SCAPER: variants seen among roughly 807,000 people sequenced by gnomAD.
SCAPER encodes the protein S phase cyclin A-associated protein in the endoplasmic reticulum.
SCAPER carries 98 observed loss-of-function variants against 182.2 expected under a neutral mutation model. The observed-to-expected ratio is 0.54, with a 90% CI of 0.46 to 0.64. SCAPER has a LOEUF of 0.64. Ranked by LOEUF, SCAPER falls within the 30% of genes least tolerant of loss-of-function variation. SCAPER has a pLI of 0.00. For missense variants in SCAPER, 1,432 were observed against 1,690.0 expected (o/e 0.85, Z 2.68); for synonymous variants, 605 against 564.6 (o/e 1.07, Z -1.01).
In SCAPER at chr15:76,594,113, A is replaced by C. The variant is rs747238295; in HGVS notation, c.2712-19829T>G. On this transcript the variant is annotated intron_variant, in intron 22 of 31. Transcript: ENST00000563290. ...AGAGGAATTGCTAACTAGAATAACC[A>C]GTTTAGAGAAGAACATAAATGATCT... Among the ~76,000 whole-genome samples, 2 of 120,220 alleles carry C rather than the reference A, an allele frequency of 1.7e-5. 1 individual carries two copies. The highest frequency in any genetic ancestry group is 4.0e-5 in the Non-Finnish European group (2 of 49,838). 78.9% of individuals were successfully genotyped at this position (120,220 alleles called of 152,430 possible). A position where few individuals can be genotyped will look rare whatever the true frequency, so the allele number is the denominator to read the frequency against.
At chr15:76,556,480 A>AG (rs1207472069) in intron 23 of SCAPER, among the ~76,000 whole-genome samples, 10 of 152,356 alleles carry the variant, frequency 6.6e-5, no homozygotes, top group African/African-American at 2.4e-4. Context: ...CTAGATCACT[A>AG]GCTAGACTAA....
intron 26 of SCAPER, among the ~76,000 whole-genome samples, chr15:76,418,352 C>T (rs2045800034): frequency 6.6e-6 from 1 of 152,188 alleles, no homozygotes; most frequent in Admixed American, 6.5e-5. Context: ...CCCAGCAGTC[C>T]TCACTGCCAC....
intron 26 of SCAPER, among the ~76,000 whole-genome samples, chr15:76,432,655 G>A (rs1012236591): frequency 2.0e-5 from 3 of 152,176 alleles, no homozygotes; most frequent in Middle Eastern, 3.2e-3. Flanking sequence ...AAAAATTAAC[G>A]AGGGTAAATG....
intron 8 of SCAPER, among the ~76,000 whole-genome samples, chr15:76,784,326 A>G (rs2064408459): frequency 6.6e-6 from 1 of 152,184 alleles, no homozygotes; most frequent in Admixed American, 6.5e-5. Context: ...ACCAACTTAC[A>G]AGGGACGTGA....
At position 76,633,479 on chromosome 15, in the gene SCAPER, T is replaced by G. The variant is rs191075668; in HGVS notation, c.2646-11650A>C. On this transcript the variant is annotated intron_variant, in intron 21 of 31. Coordinates refer to ENST00000563290, the MANE Select transcript of SCAPER (RefSeq NM_020843.4). The stretch of plus-strand genomic sequence containing the variant: ...AGCAGGTGTGCTACATTAGGGGGAA[T>G]CCCCCTCATCCGGGCTGCCCTGACT... Among the ~76,000 whole-genome samples, 3 of 152,174 alleles carry G rather than the reference T, an allele frequency of 2.0e-5. No individual in the cohort carries two copies. The East Asian group carries it at 5.8e-4, about 29-fold the overall frequency.
At chr15:76,551,151 G>A (rs971843994) in intron 23 of SCAPER, among the ~76,000 whole-genome samples, 1 of 152,054 alleles carries the variant, frequency 6.6e-6, no homozygotes. Flanking sequence ...TCAGTATGGA[G>A]GTTCTTCAAA....
At chr15:76,807,050 T>C (rs2066214406) in intron 5 of SCAPER, among the ~76,000 whole-genome samples, 2 of 152,242 alleles carry the variant, frequency 1.3e-5, no homozygotes, top group East Asian at 1.9e-4. Context: ...TTTTCTATTA[T>C]GTTTTCTTGT....
intron 17 of SCAPER, among the ~76,000 whole-genome samples, chr15:76,711,085 C>T (rs2059536977): frequency 6.6e-6 from 1 of 152,112 alleles, no homozygotes; most frequent in Admixed American, 6.6e-5. Context: ...TAAGTGCTAA[C>T]TGAAACATTT....
intron 2 of SCAPER, among the ~76,000 whole-genome samples, chr15:76,867,888 A>G (rs958209854): frequency 7.9e-5 from 12 of 152,174 alleles, no homozygotes; most frequent in Admixed American, 3.9e-4. Context: ...GCTAGAATAT[A>G]GGGGAAAATG....
At chr15:76,734,856 G>A (rs574203315) in intron 15 of SCAPER, among the ~76,000 whole-genome samples, 15 of 152,096 alleles carry the variant, frequency 9.9e-5, no homozygotes, top group Non-Finnish European at 5.9e-5. Flanking sequence ...CAGCCTGGGC[G>A]ACAAAGTGAG....
intron 8 of SCAPER, among the ~76,000 whole-genome samples, chr15:76,776,688 T>C (rs995214263): frequency 5.3e-5 from 8 of 151,958 alleles, no homozygotes; most frequent in Non-Finnish European, 1.2e-4. Flanking sequence ...GTGATATGAG[T>C]CACTCCTGCT....
At chr15:76,511,096 CAG>C (rs969205552) in intron 23 of SCAPER, among the ~76,000 whole-genome samples, 112 of 152,128 alleles carry the variant, frequency 7.4e-4, no homozygotes, top group African/African-American at 2.6e-3. Flanking sequence ...TCTGGGGACT[CAG>C]GGGGAAAGGG....
chr15:76,442,130 A>G (rs1340747410), intron 25 of SCAPER, among the ~76,000 whole-genome samples: 1 of 152,102 alleles, frequency 6.6e-6, no homozygotes, highest in African/African-American at 2.4e-5. Context: ...TAAAGGAAGA[A>G]AGGAATTTTG....
At chr15:76,534,450 T>C (rs12443393) in intron 23 of SCAPER, among the ~76,000 whole-genome samples, 1,673 of 152,266 alleles carry the variant, frequency 0.011, 52 homozygotes, top group East Asian at 0.082. Flanking sequence ...GTAAGTAATA[T>C]GAGAGGCAAA....
At chr15:76,516,240 T>C (rs1229907052) in intron 23 of SCAPER, among the ~76,000 whole-genome samples, 1 of 152,032 alleles carries the variant, frequency 6.6e-6, no homozygotes, top group Non-Finnish European at 1.5e-5. Flanking sequence ...CTTTAAGTTC[T>C]GGGATACATG....
At chr15:76,871,299 C>G (rs1476236581) in intron 2 of SCAPER, among the ~76,000 whole-genome samples, 2 of 150,064 alleles carry the variant, frequency 1.3e-5, no homozygotes, top group Non-Finnish European at 2.9e-5. Flanking sequence ...GTCCCAGCTA[C>G]TTGGGGGACT....
chr15:76,494,451 T>C (rs1435710174), intron 24 of SCAPER, among the ~76,000 whole-genome samples: 1 of 152,104 alleles, frequency 6.6e-6, no homozygotes, highest in East Asian at 1.9e-4. Flanking sequence ...AATAAACCAG[T>C]ACAAAAACAC....
intron 24 of SCAPER, among the ~76,000 whole-genome samples, chr15:76,492,610 T>A (rs2060440878): frequency 6.6e-6 from 1 of 152,220 alleles, no homozygotes; most frequent in Admixed American, 6.5e-5. Context: ...GGAAATATTT[T>A]TAATGTTATT....
chr15:76,501,427 A>C (rs1597061310), intron 24 of SCAPER, among the ~76,000 whole-genome samples: 1 of 152,116 alleles, frequency 6.6e-6, no homozygotes, highest in African/African-American at 2.4e-5. Flanking sequence ...AAGACATGCA[A>C]CTACTGACGT....
Sources: gnomAD v4.1 joint callset for allele counts (sites outside exome capture counted in the v4.1 genomes callset) on GRCh38, gnomAD v4.1.1 for gene constraint, MANE v1.5 for transcripts, NCBI Gene and HGNC (gene_info 2026-07-23, HGNC 2026-07-21) for gene names.